PHF6: variants seen among roughly 807,000 people sequenced by gnomAD.
The protein encoded by PHF6 is PHD-like zinc finger protein.
In PHF6, 7 loss-of-function variants were observed where a neutral mutation model predicts 34.0. That is an observed-to-expected ratio of 0.21 (90% CI 0.12 to 0.39). The LOEUF (loss-of-function observed/expected upper bound fraction) is 0.39. Ranked by LOEUF, PHF6 falls within the 10% of genes least tolerant of loss-of-function variation. The pLI is 1.00. For missense variants in PHF6, 128 were observed against 262.8 expected, an observed-to-expected ratio of 0.49 and a Z score of 3.55; for synonymous variants, 89 against 88.4, an observed-to-expected ratio of 1.01 and a Z score of -0.04.
chrX:134,391,369 T>C, intron 3 of PHF6, among the ~76,000 whole-genome samples: 1 of 112,213 alleles, frequency 8.9e-6, no homozygotes, highest in Non-Finnish European at 1.9e-5. Flanking sequence ...TGCTTGAGTG[T>C]GATTATTTTT....
Position 134,425,747 on chromosome X carries a change from G to T in PHF6, c.*87G>T. Reference sequence around the variant, plus strand: ...TTCACTGTTTTCTAAAATCAAAAAGGGTTTGTAACTTTTTACTGCCCAACT... The same window carrying T: ...TTCACTGTTTTCTAAAATCAAAAAGTGTTTGTAACTTTTTACTGCCCAACT... On this transcript the variant is annotated 3_prime_UTR_variant, in exon 11 of 11. Transcript: ENST00000370803. 1 of 184,998 alleles carries T rather than the reference G, an allele frequency of 5.4e-6. No homozygotes were observed. Among genetic ancestry groups the T allele is most frequent in the Non-Finnish European group, 1.0e-5 (1 of 98,120 alleles). 15.2% of individuals were successfully genotyped at this position (184,998 alleles called of 1,213,427 possible). A position where few individuals can be genotyped will look rare whatever the true frequency, so the allele number is the denominator to read the frequency against.
At chrX:134,377,194 G>T (rs907028612) in intron 1 of PHF6, among the ~76,000 whole-genome samples, 10 of 111,769 alleles carry the variant, frequency 8.9e-5, no homozygotes, top group African/African-American at 3.2e-4. Context: ...GAAGCAGTTT[G>T]ATTTTTCTCA....
rs1204762729 is a variant in PHF6, at chrX:134,427,075, C to A, written c.*1415C>A. ...GCTTAATGACTGATTTTTTTTTAAACTGCGAGTCCCTTAAGATCACGTTTG... is the reference window on the plus strand; with the variant it reads ...GCTTAATGACTGATTTTTTTTTAAAATGCGAGTCCCTTAAGATCACGTTTG... On this transcript the variant is annotated 3_prime_UTR_variant, in exon 11 of 11. Transcript: ENST00000370803. 1 of 162,925 alleles carries A rather than the reference C, an allele frequency of 6.1e-6. No individual in the cohort carries two copies. The highest frequency in any genetic ancestry group is 3.0e-5 in the African/African-American group (1 of 33,115). The allele number at this position is 162,925 out of a possible 1,213,427, so 13.4% of individuals were successfully genotyped here.
intron 1 of PHF6, among the ~76,000 whole-genome samples, chrX:134,375,943 G>T (rs945275407): frequency 9.0e-6 from 1 of 110,597 alleles, no homozygotes; most frequent in African/African-American, 3.3e-5. Flanking sequence ...TCAGTTTCAC[G>T]GTTTATAGCC....
intron 5 of PHF6, among the ~76,000 whole-genome samples, chrX:134,401,921 A>G (rs768775117): frequency 3.6e-5 from 4 of 112,059 alleles, no homozygotes; most frequent in African/African-American, 1.3e-4. Context: ...AAATGTTATA[A>G]TTTATGTAGA....
At chrX:134,383,446 T>C (rs1212059276) in intron 3 of PHF6, among the ~76,000 whole-genome samples, 17 of 111,017 alleles carry the variant, frequency 1.5e-4, no homozygotes, top group Non-Finnish European at 5.7e-5. Flanking sequence ...AGTTTTTTTT[T>C]ATTATTAAAA....
At chrX:134,425,612 GT>G in intron 10 of PHF6, 48 bp from the exon 11 acceptor site, 1 of 294,012 alleles carries the variant, frequency 3.4e-6, no homozygotes, top group East Asian at 5.6e-5. Flanking sequence ...TATTGATTGT[GT>G]TCCCCTCAAG....
chrX:134,403,611 A>C (rs904973930), intron 5 of PHF6, among the ~76,000 whole-genome samples: 14 of 112,184 alleles, frequency 1.2e-4, no homozygotes, highest in African/African-American at 4.5e-4. Flanking sequence ...CAGATTTTTA[A>C]TATTAATGAA....
chrX:134,376,236 T>C (rs1297273223), intron 1 of PHF6, among the ~76,000 whole-genome samples: 1 of 112,458 alleles, frequency 8.9e-6, no homozygotes, highest in Non-Finnish European at 1.9e-5. Flanking sequence ...GCTACTGTTC[T>C]TGTTGGTGAA....
intron 5 of PHF6, among the ~76,000 whole-genome samples, chrX:134,405,865 A>G (rs921575269): frequency 1.9e-5 from 2 of 108,051 alleles, no homozygotes; most frequent in Admixed American, 1.0e-4. Context: ...TGATTTATAT[A>G]TATATAAATC....
intron 1 of PHF6, among the ~76,000 whole-genome samples, chrX:134,374,171 T>C (rs185644844): frequency 5.4e-5 from 6 of 111,776 alleles, no homozygotes; most frequent in Admixed American, 2.8e-4. Context: ...ATGTGTACCG[T>C]CTTTCATTAT....
intron 5 of PHF6, among the ~76,000 whole-genome samples, chrX:134,394,532 C>T (rs1158590272): frequency 2.7e-5 from 3 of 109,325 alleles, no homozygotes; most frequent in African/African-American, 1.0e-4. Context: ...CTGCGTGTTT[C>T]ATTTCTTTGT....
intron 5 of PHF6, among the ~76,000 whole-genome samples, chrX:134,405,796 A>G (rs1165970304): frequency 1.1e-5 from 1 of 89,992 alleles, no homozygotes; most frequent in Non-Finnish European, 2.1e-5. Context: ...ATGTTTGTGC[A>G]TGTGTATGTA....
chrX:134,383,598 T>G (rs1195365774), intron 3 of PHF6, among the ~76,000 whole-genome samples: 1 of 111,981 alleles, frequency 8.9e-6, no homozygotes, highest in Non-Finnish European at 1.9e-5. Context: ...TAGCTAACAT[T>G]TGTTAGACAC....
chrX:134,396,827 A>G (rs1240778090), intron 5 of PHF6, among the ~76,000 whole-genome samples: 3 of 107,543 alleles, frequency 2.8e-5, no homozygotes, highest in Non-Finnish European at 5.8e-5. Context: ...ATCATGGTTT[A>G]TGATGGGAGG....
chrX:134,413,663 T>TA lies in PHF6; in HGVS notation c.585+14dup, dbSNP rs763273791. On this transcript the variant is annotated splice_region_variant and intron_variant, in intron 6 of 10. Coordinates refer to ENST00000370803, the MANE Select transcript of PHF6 (RefSeq NM_001015877.2). ...AAATGGAAAGTAGTTCCTATGTAAG[T>TA]AAAAAAAACTGTTGGATTCTTACTT... is the stretch of plus-strand genomic sequence containing the variant. 19 of 1,206,063 alleles carry TA rather than the reference T, an allele frequency of 1.6e-5. No individual in the cohort carries two copies. The highest frequency in any genetic ancestry group is 5.3e-5 in the South Asian group (3 of 56,669).
At chrX:134,404,808 C>T (rs2077416094) in intron 5 of PHF6, among the ~76,000 whole-genome samples, 1 of 112,062 alleles carries the variant, frequency 8.9e-6, no homozygotes, top group African/African-American at 3.2e-5. Context: ...TACTGGAAAG[C>T]CCAGATGATT....
At chrX:134,394,021 T>TTA in intron 5 of PHF6, 69 bp downstream of exon 5, 3 of 931,369 alleles carry the variant, frequency 3.2e-6, no homozygotes, top group Non-Finnish European at 4.7e-6. Context: ...GATTAGTGAA[T>TTA]TATACTATAT....
chrX:134,391,624 CT>C (rs2077354904), intron 3 of PHF6, among the ~76,000 whole-genome samples: 2 of 111,126 alleles, frequency 1.8e-5, no homozygotes, highest in Admixed American at 9.6e-5. Context: ...CCATCTAAAC[CT>C]GTTTTGGATG....
Sources: allele counts gnomAD v4.1 joint callset (sites outside exome capture counted in the v4.1 genomes callset), GRCh38; gene constraint gnomAD v4.1.1; transcripts MANE v1.5; gene names NCBI Gene and HGNC (gene_info 2026-07-23, HGNC 2026-07-21).